DEPDC4: variants seen among roughly 807,000 people sequenced by gnomAD.
DEPDC4 encodes the protein DEP domain containing 4, also known as DEP domain-containing protein 4.
DEPDC4 carries 52 observed loss-of-function variants against 52.0 expected under a neutral mutation model. The observed-to-expected ratio is 1.00, with a 90% confidence interval of 0.80 to 1.26. The LOEUF is 1.26. Among genes scored for constraint, DEPDC4 ranks in the 50% most tolerant of loss-of-function variants. The probability of loss-of-function intolerance (pLI) is 0.00; values close to 1 mark genes in which losing one functional copy is unlikely to be tolerated. For synonymous variants in DEPDC4, 201 were observed against 196.8 expected (o/e 1.02, Z -0.18); for missense variants, 530 against 546.9 (o/e 0.97, Z 0.31).
chr12:100,265,215 G>C (rs2096267176), intron 1 of DEPDC4, among the ~76,000 whole-genome samples: 1 of 152,084 alleles, frequency 6.6e-6, no homozygotes, highest in African/African-American at 2.4e-5. Context: ...GATCACTTGA[G>C]CCAGGGAGGC....
At chr12:100,252,329 T>A in intron 6 of DEPDC4, 28 bp from the exon 7 acceptor site, 1 of 1,506,884 alleles carries the variant, frequency 6.6e-7, no homozygotes. Flanking sequence ...AACATTAGCA[T>A]AAATGGTTTT....
chr12:100,266,877 C>G (rs369356497), intron 1 of DEPDC4, 43 bp downstream of exon 1: 23 of 1,589,308 alleles, frequency 1.4e-5, no homozygotes, highest in Non-Finnish European at 1.9e-5. Flanking sequence ...TCAGCTGCCC[C>G]CTCCACCTTC....
intron 8 of DEPDC4, among the ~76,000 whole-genome samples, chr12:100,243,868 T>C (rs2096170995): frequency 6.6e-6 from 1 of 151,732 alleles, no homozygotes. Context: ...GCTCCACATA[T>C]CCAGTGGCCG....
intron 9 of DEPDC4, among the ~76,000 whole-genome samples, chr12:100,232,001 A>C (rs925514204): frequency 1.2e-4 from 18 of 152,176 alleles, no homozygotes; most frequent in African/African-American, 4.1e-4. Flanking sequence ...TTAACTTTCG[A>C]AGTATCATAT....
chr12:100,271,203 G>T (rs1311607283), upstream of DEPDC4, among the ~76,000 whole-genome samples: 2 of 126,174 alleles, frequency 1.6e-5, no homozygotes, highest in African/African-American at 6.3e-5. Flanking sequence ...TATATTTCAA[G>T]AATACATCTT....
chr12:100,243,359 A>G (rs2096168302), intron 8 of DEPDC4, among the ~76,000 whole-genome samples: 1 of 152,018 alleles, frequency 6.6e-6, no homozygotes, highest in Admixed American at 6.6e-5. Flanking sequence ...CAACTCCCCT[A>G]ACCATCTATT....
intron 9 of DEPDC4, among the ~76,000 whole-genome samples, 162 bp downstream of exon 9, chr12:100,242,324 C>CTTTTTT (rs746693169): frequency 3.1e-5 from 3 of 96,038 alleles, no homozygotes; most frequent in Admixed American, 1.1e-4. Flanking sequence ...ACTATGAGGG[C>CTTTTTT]TTTTTTTTTT....
chr12:100,236,724 G>C (rs148273528), downstream of DEPDC4, among the ~76,000 whole-genome samples: 12 of 152,174 alleles, frequency 7.9e-5, no homozygotes, highest in Admixed American at 7.9e-4. Context: ...TATTGTATTT[G>C]CTTTTGGGTT....
At chr12:100,257,589 G>GAA (rs1273417628) in intron 3 of DEPDC4, 8,446 of 151,940 alleles carry the variant, frequency 0.056, 747 homozygotes, top group African/African-American at 0.19. Context: ...TGGTCTGGCT[G>GAA]GTCTTGAACT....
chr12:100,278,919 C>T, the DEPDC4 span, among the ~76,000 whole-genome samples: 64 of 152,190 alleles, frequency 4.2e-4, no homozygotes, highest in South Asian at 0.013. Flanking sequence ...TGAGCCACCG[C>T]GCCTGGCCAG....
intron 8 of DEPDC4, among the ~76,000 whole-genome samples, chr12:100,248,405 T>C (rs1051491988): frequency 6.6e-6 from 1 of 152,186 alleles, no homozygotes; most frequent in African/African-American, 2.4e-5. Context: ...AAATACATTA[T>C]AGTTTTAAAC....
downstream of DEPDC4, among the ~76,000 whole-genome samples, chr12:100,236,478 T>A (rs1223273132): frequency 1.3e-5 from 2 of 152,184 alleles, no homozygotes; most frequent in Non-Finnish European, 1.5e-5. Flanking sequence ...TTGTTGGTCA[T>A]TTGTATATCT....
At chr12:100,253,219 T>A (rs1187610225) in intron 5 of DEPDC4, among the ~76,000 whole-genome samples, 1 of 152,146 alleles carries the variant, frequency 6.6e-6, no homozygotes, top group East Asian at 1.9e-4. Context: ...CTCCTGGCTA[T>A]ATCATGTTTC....
At chr12:100,265,391 C>A (rs1566330416) in intron 1 of DEPDC4, among the ~76,000 whole-genome samples, 1 of 152,034 alleles carries the variant, frequency 6.6e-6, no homozygotes, top group Non-Finnish European at 1.5e-5. Context: ...AGTTCAAGAC[C>A]ACACTGGCCA....
intron 3 of DEPDC4, among the ~76,000 whole-genome samples, chr12:100,261,000 G>A (rs1052611673): frequency 1.3e-5 from 2 of 151,846 alleles, no homozygotes; most frequent in African/African-American, 4.8e-5. Flanking sequence ...GGCCAACATG[G>A]TGAAACCCGT....
chr12:100,249,604 A>G (rs573680755), intron 7 of DEPDC4, among the ~76,000 whole-genome samples: 1 of 152,354 alleles, frequency 6.6e-6, no homozygotes, highest in Non-Finnish European at 1.5e-5. Context: ...GACTAATAAT[A>G]CTGTTACAGA....
Position 100,241,631 on chromosome 12 carries a change from G to A in DEPDC4, c.*261C>T, listed in dbSNP as rs2096159175. 4 of 1,128,818 alleles carry A rather than the reference G, an allele frequency of 3.5e-6. No homozygotes were observed. Among genetic ancestry groups the A allele is most frequent in the Non-Finnish European group, 4.5e-6 (4 of 896,980 alleles). The allele number at this position is 1,128,818 out of a possible 1,614,324, so 69.9% of individuals were successfully genotyped here. A position where few individuals can be genotyped will look rare whatever the true frequency, so the allele number is the denominator to read the frequency against. On this transcript the variant is annotated 3_prime_UTR_variant, in exon 10 of 10. Transcript: ENST00000550587. ...AATTTGAGAAAACCACCAGAGAATT[G>A]TTTATATTTACAAATTGTAGTTTCT... is the stretch of plus-strand genomic sequence containing the variant.
In DEPDC4 at chr12:100,263,645, C is replaced by T; in HGVS notation, c.406G>A (p.Val136Ile). Reference sequence around the variant, plus strand: ...TTTTTGAAAAGCTTCTTCATTCCTACTGGTTCAAATACTTTGTGATTCATT... The same window carrying T: ...TTTTTGAAAAGCTTCTTCATTCCTATTGGTTCAAATACTTTGTGATTCATT... Reference protein sequence around the residue: ...VLMNHKVFEPVGMKKLFKKEK... With the variant: ...VLMNHKVFEPIGMKKLFKKEK... The change falls in exon 2 of 10, where the codon GTA becomes ATA. Residue 136 changes from valine (V) to isoleucine (I), a missense_variant. By Grantham distance (29) the Val-to-Ile change is conservative. Transcript: ENST00000550587. 2 of 1,614,078 alleles carry T rather than the reference C, an allele frequency of 1.2e-6. No homozygotes were observed. The highest frequency in any genetic ancestry group is 1.7e-6 in the Non-Finnish European group (2 of 1,180,004).
At chr12:100,242,722 T>C (rs886702483) in intron 8 of DEPDC4, among the ~76,000 whole-genome samples, 153 bp from the exon 9 acceptor site, 1 of 152,222 alleles carries the variant, frequency 6.6e-6, no homozygotes, top group African/African-American at 2.4e-5. Flanking sequence ...TCTCAGAACA[T>C]GAAACCTTGA....
Sources: allele counts gnomAD v4.1 joint callset (sites outside exome capture counted in the v4.1 genomes callset), GRCh38; gene constraint gnomAD v4.1.1; transcripts MANE v1.5; gene names NCBI Gene and HGNC (gene_info 2026-07-23, HGNC 2026-07-21).